Variants in SS18L1 observed in about 807,000 individuals in gnomAD.
SS18L1 encodes calcium-responsive transactivator.
Under a neutral mutation model 70.3 loss-of-function variants are expected in SS18L1, and 32 were observed. The ratio of observed to expected loss-of-function variants is 0.46; its 90% confidence interval spans 0.34 to 0.61. The LOEUF (loss-of-function observed/expected upper bound fraction) is 0.61, where lower values mean the gene tolerates loss of function less well. SS18L1 is among the 20% of genes least tolerant of loss of function. The probability of loss-of-function intolerance (pLI) is 0.01; values close to 1 mark genes in which losing one functional copy is unlikely to be tolerated. For synonymous variants in SS18L1, 237 were observed against 229.7 expected (o/e 1.03, Z -0.29); for missense variants, 430 against 542.1 (o/e 0.79, Z 2.05).
In SS18L1 at chr20:62,161,751, C is replaced by T. The variant is rs753740897; in HGVS notation, c.376+171C>T. Among the ~76,000 whole-genome samples the T allele has an allele frequency of 2.1e-4, 32 of 152,236 alleles. No homozygotes were observed. The highest frequency in any genetic ancestry group is 3.7e-4 in the Non-Finnish European group (25 of 68,036). ...CCATCGCCCAGGCTCAGGGCCGCAG[C>T]GAGCGTGCCGTGCGGCTGGGCTGAG... On this transcript the variant is annotated intron_variant, in intron 4 of 10. Transcript: ENST00000331758. The surrounding 1 kb of genome is among the most constrained non-coding windows in gnomAD (Gnocchi z 4.4).
At chr20:62,173,335 C>T (rs976631700) in intron 9 of SS18L1, among the ~76,000 whole-genome samples, 2 of 150,286 alleles carry the variant, frequency 1.3e-5, no homozygotes, top group Admixed American at 6.6e-5. Flanking sequence ...GAGCTCCACA[C>T]ACGTGGTTTC....
At chr20:62,144,975 G>A (rs1328337058) in intron 1 of SS18L1, among the ~76,000 whole-genome samples, 1 of 152,244 alleles carries the variant, frequency 6.6e-6, no homozygotes, top group East Asian at 1.9e-4. Context: ...CCTTGATGAC[G>A]TGCCAGTCTC....
intron 10 of SS18L1, among the ~76,000 whole-genome samples, chr20:62,177,635 C>T (rs1348480449): frequency 6.6e-6 from 1 of 152,228 alleles, no homozygotes; most frequent in Non-Finnish European, 1.5e-5. Flanking sequence ...GCTTTCACCA[C>T]AGGTCCGATG....
Position 62,181,843 on chromosome 20 carries a change from T to C in SS18L1, c.*2635T>C. ...AAGTGTGGTTGATGGTGCTTTGTTT[T>C]TTTCTGACTACTTCTATGGAAGGCC... is the stretch of plus-strand genomic sequence containing the variant. On this transcript the variant is annotated 3_prime_UTR_variant, in exon 11 of 11. Coordinates refer to ENST00000331758, the MANE Select transcript of SS18L1 (RefSeq NM_198935.3). The C allele has an allele frequency of 4.4e-6, 1 of 227,832 alleles. No homozygotes were observed. 14.1% of individuals were successfully genotyped at this position (227,832 alleles called of 1,614,324 possible). A position where few individuals can be genotyped will look rare whatever the true frequency, so the allele number is the denominator to read the frequency against.
At chr20:62,163,364 C>A (rs1030326260) in intron 5 of SS18L1, 94 bp from the exon 6 acceptor site, 5 of 1,553,982 alleles carry the variant, frequency 3.2e-6, no homozygotes, top group South Asian at 1.2e-5. Flanking sequence ...AGGAAAATAA[C>A]GAGGAACCCG....
intron 6 of SS18L1, among the ~76,000 whole-genome samples, 175 bp downstream of exon 6, chr20:62,163,797 G>T (rs558717006): frequency 2.0e-4 from 30 of 152,132 alleles, no homozygotes; most frequent in Non-Finnish European, 3.5e-4. Context: ...TGAGGGCCAG[G>T]GTGTGGCCCG....
At chr20:62,157,423 G>A (rs2057243747) in intron 1 of SS18L1, among the ~76,000 whole-genome samples, 1 of 152,240 alleles carries the variant, frequency 6.6e-6, no homozygotes, top group African/African-American at 2.4e-5. Context: ...CCAGGCACGT[G>A]GGTCACCAGG....
At chr20:62,162,259 C>T (rs141204915) in intron 4 of SS18L1, among the ~76,000 whole-genome samples, 2,105 of 152,184 alleles carry the variant, frequency 0.014, 47 homozygotes, top group African/African-American at 0.044. Context: ...AACAAATAAA[C>T]GATTCATCCT....
rs745599562 is a variant in SS18L1, at chr20:62,159,826, G to A, written c.147-51G>A. ...TTTACTTCTGCCTTGGATCCACGTG[G>A]GGACTCTGTGGTCCCGTCGTCCTGC... On this transcript the variant is annotated intron_variant, in intron 2 of 10. Coordinates refer to ENST00000331758, the MANE Select transcript of SS18L1 (RefSeq NM_198935.3). This position sits in a 1 kb window ranked among gnomAD's most constrained non-coding sequence, Gnocchi z 4.4. The A allele has an allele frequency of 6.4e-6, 10 of 1,569,638 alleles. No individual in the cohort carries two copies. Among genetic ancestry groups the A allele is most frequent in the Non-Finnish European group, 8.7e-6 (10 of 1,149,464 alleles).
At position 62,163,491 on chromosome 20, in the gene SS18L1, A is replaced by G. The variant is rs777766891; in HGVS notation, c.590A>G (p.His197Arg). ...ATGCAGCAGCAGGCGGCCACGTCGC[A>G]CTACAGCTCGGCGCAGGGCGGCAGC... ...SMMQQQAATS[H>R]YSSAQGGSQH... is the part of the protein sequence containing the mutation. Residue 197 changes from histidine to arginine, a missense_variant, in exon 6 of 11, where the codon CAC (histidine) becomes CGC (arginine). By Grantham distance (29) the His-to-Arg change is conservative. Coordinates refer to ENST00000331758, the MANE Select transcript of SS18L1 (RefSeq NM_198935.3). 4 of 1,612,276 alleles carry G rather than the reference A, an allele frequency of 2.5e-6. No individual in the cohort carries two copies. Among genetic ancestry groups the G allele is most frequent in the Non-Finnish European group, 2.5e-6 (3 of 1,179,864 alleles).
chr20:62,169,151 C>T (rs1162486065), intron 8 of SS18L1, among the ~76,000 whole-genome samples: 1 of 152,202 alleles, frequency 6.6e-6, no homozygotes, highest in Non-Finnish European at 1.5e-5. Context: ...CGCAGCCCCT[C>T]GTGACCTGGC....
rs1174319525 is a variant in SS18L1, at chr20:62,160,369, AGGTGGGGAGAGGTGG to A, written c.231+425_231+439del. Among the ~76,000 whole-genome samples, 51 of 5,310 alleles carry A rather than the reference AGGTGGGGAGAGGTGG, an allele frequency of 9.6e-3. 1 individual carries two copies. Among genetic ancestry groups the A allele is most frequent in the Non-Finnish European group, 0.017 (44 of 2,542 alleles). 3.5% of individuals were successfully genotyped at this position (5,310 alleles called of 152,430 possible). On this transcript the variant is annotated intron_variant, in intron 3 of 10. Transcript: ENST00000331758. ...AGGTGGAGAGAGGTGGGATGGGGAG[AGGTGGGGAGAGGTGG>A]GGTGGGGAGAGGTGGGATGGGGAGA... is the stretch of plus-strand genomic sequence containing the variant.
Position 62,159,889 on chromosome 20 carries a change from C to T in SS18L1, c.159C>T (p.Ile53=). 6.2e-7 allele frequency: 1 copy of T among 1,612,634 alleles called. No homozygotes were observed. Among genetic ancestry groups the T allele is most frequent in the Non-Finnish European group, 8.5e-7 (1 of 1,179,862 alleles). The stretch of plus-strand genomic sequence containing the variant: ...CCCTCTCCTGCAGGTACCAGCAGAT[C>T]CTGCACCGGAACCTGGTATACCTGG... ...KTAECTQYQQ[I]LHRNLVYLAT... Residue 53 remains isoleucine (I), a synonymous_variant, in exon 3 of 11, where the codon ATC becomes ATT. Transcript: ENST00000331758. This position sits in a 1 kb window ranked among gnomAD's most constrained non-coding sequence, Gnocchi z 4.4.
At chr20:62,172,563 T>G in intron 8 of SS18L1, 119 bp from the exon 9 acceptor site, 1 of 1,451,812 alleles carries the variant, frequency 6.9e-7, no homozygotes, top group Non-Finnish European at 9.6e-7. Flanking sequence ...AAAATAAACA[T>G]GCCGAAGCAA....
At chr20:62,178,280 G>A (rs937132519) in intron 10 of SS18L1, among the ~76,000 whole-genome samples, 3 of 150,742 alleles carry the variant, frequency 2.0e-5, no homozygotes, top group South Asian at 2.1e-4. Flanking sequence ...CAAGTAGCTG[G>A]GATTACAGGC....
At chr20:62,149,577 A>G (rs1000518952) in intron 1 of SS18L1, among the ~76,000 whole-genome samples, 1 of 152,256 alleles carries the variant, frequency 6.6e-6, no homozygotes, top group Non-Finnish European at 1.5e-5. Context: ...TCCTGGGCTC[A>G]CATTCTTATC....
chr20:62,171,953 G>A (rs1382283369), intron 8 of SS18L1, among the ~76,000 whole-genome samples: 1 of 152,188 alleles, frequency 6.6e-6, no homozygotes, highest in Non-Finnish European at 1.5e-5. Flanking sequence ...ACAAGGTCAG[G>A]AGATCGAGAC....
intron 1 of SS18L1, among the ~76,000 whole-genome samples, chr20:62,157,946 C>G (rs1276621630): frequency 6.6e-6 from 1 of 152,212 alleles, no homozygotes; most frequent in Non-Finnish European, 1.5e-5. Context: ...CCTTCCCTCC[C>G]TCACCGCGGT....
chr20:62,177,390 C>T (rs2057638140), intron 10 of SS18L1, among the ~76,000 whole-genome samples: 1 of 152,164 alleles, frequency 6.6e-6, no homozygotes, highest in Non-Finnish European at 1.5e-5. Context: ...CCGTCTTACC[C>T]AATGGTGCAG....
Sources: gnomAD v4.1 joint callset for allele counts (sites outside exome capture counted in the v4.1 genomes callset) on GRCh38, gnomAD v4.1.1 for gene constraint, Gnocchi (gnomAD v3.1) non-coding constraint, MANE v1.5 for transcripts, NCBI Gene and HGNC (gene_info 2026-07-23, HGNC 2026-07-21) for gene names.